The following LARP4 variants were observed in gnomAD, a reference collection of about 807,000 sequenced individuals.
The protein encoded by LARP4 is La ribonucleoprotein 4, also known as la-related protein 4.
A neutral mutation model predicts 92.9 loss-of-function variants in LARP4; 29 were observed. The ratio of observed to expected loss-of-function variants is 0.31; its 90% confidence interval spans 0.23 to 0.43. The LOEUF (loss-of-function observed/expected upper bound fraction) is 0.43, where lower values mean the gene tolerates loss of function less well. LARP4 is among the 20% of genes least tolerant of loss of function. The pLI is 1.00. For missense variants in LARP4, 732 were observed against 860.0 expected, an observed-to-expected ratio of 0.85 and a Z score of 1.86; for synonymous variants, 279 against 284.1, an observed-to-expected ratio of 0.98 and a Z score of 0.18.
chr12:50,409,764 CAA>C (rs71083566), intron 1 of LARP4, among the ~76,000 whole-genome samples: 4 of 120,590 alleles, frequency 3.3e-5, no homozygotes. Flanking sequence ...GATTCTGTCT[CAA>C]AAAAAAAAAA....
intron 1 of LARP4, among the ~76,000 whole-genome samples, chr12:50,407,058 C>T (rs892121476): frequency 1.3e-4 from 20 of 151,502 alleles, no homozygotes; most frequent in African/African-American, 4.9e-4. Flanking sequence ...TGGAATCTTG[C>T]TCTGTCGCCC....
At chr12:50,470,980 T>C (rs973886139) in intron 13 of LARP4, among the ~76,000 whole-genome samples, 1 of 152,186 alleles carries the variant, frequency 6.6e-6, no homozygotes, top group South Asian at 2.1e-4. Context: ...TTCTTTGTTT[T>C]ACAACCCTTT....
At position 50,477,746 on chromosome 12, in the gene LARP4, A is replaced by G. The variant is rs1409469473; in HGVS notation, c.*1882A>G. On this transcript the variant is annotated 3_prime_UTR_variant, in exon 16 of 16. Transcript: ENST00000398473. ...TTGAAACTATTCATTTCTACACACT[A>G]TTTTTAAAAATTGCCTACTAGGTGA... The G allele has an allele frequency of 1.3e-5, 2 of 152,514 alleles. No individual in the cohort carries two copies. The highest frequency in any genetic ancestry group is 2.9e-5 in the Non-Finnish European group (2 of 67,930). 9.4% of individuals were successfully genotyped at this position (152,514 alleles called of 1,614,324 possible).
At chr12:50,462,148 G>A (rs1329058279) in intron 11 of LARP4, among the ~76,000 whole-genome samples, 1 of 151,960 alleles carries the variant, frequency 6.6e-6, no homozygotes, top group Non-Finnish European at 1.5e-5. Flanking sequence ...TTTAGTAATA[G>A]AGAAAACTAG....
chr12:50,423,890 G>T (rs1255810993), intron 1 of LARP4, among the ~76,000 whole-genome samples: 2 of 151,784 alleles, frequency 1.3e-5, no homozygotes, highest in Non-Finnish European at 2.9e-5. Context: ...TAGTAGCTGG[G>T]ATTACAGGCG....
In LARP4 at chr12:50,428,050, C is replaced by T. The variant is rs1157647658; in HGVS notation, c.166+141C>T. 4 of 502,796 alleles carry T rather than the reference C, an allele frequency of 8.0e-6. 1 individual carries two copies. In the African/African-American group the frequency reaches 9.0e-5, roughly 11 times the overall value. 31.1% of individuals were successfully genotyped at this position (502,796 alleles called of 1,614,324 possible). On this transcript the variant is annotated intron_variant, in intron 2 of 15. Coordinates refer to ENST00000398473, the MANE Select transcript of LARP4 (RefSeq NM_052879.5). Reference sequence around the variant, plus strand: ...TTCCTCTGTCACCCAGGCTGGAGTACAGTGGCGCAGTCTTCACTCACTGCA... The same window carrying T: ...TTCCTCTGTCACCCAGGCTGGAGTATAGTGGCGCAGTCTTCACTCACTGCA...
At chr12:50,421,203 C>G (rs1336117061) in intron 1 of LARP4, 1 of 738,010 alleles carries the variant, frequency 1.4e-6, no homozygotes, top group Non-Finnish European at 1.7e-6. Flanking sequence ...CCCGCCTTGG[C>G]CTCTCAAAGT....
intron 1 of LARP4, among the ~76,000 whole-genome samples, chr12:50,408,116 A>G (rs966847233): frequency 5.9e-5 from 9 of 151,752 alleles, no homozygotes; most frequent in African/African-American, 2.2e-4. Context: ...ATAAATGCCA[A>G]ACTCCAGGGA....
intron 8 of LARP4, among the ~76,000 whole-genome samples, chr12:50,445,545 T>G (rs900958980): frequency 2.2e-4 from 34 of 152,150 alleles, no homozygotes; most frequent in Non-Finnish European, 4.6e-4. Context: ...TTCTCCTTTC[T>G]TTTTTTGGTA....
At chr12:50,459,691 G>A (rs1332331351) in intron 10 of LARP4, among the ~76,000 whole-genome samples, 1 of 151,974 alleles carries the variant, frequency 6.6e-6, no homozygotes, top group African/African-American at 2.4e-5. Context: ...AGGTGTGGTG[G>A]CACGTGCCTA....
intron 1 of LARP4, among the ~76,000 whole-genome samples, chr12:50,425,119 C>G (rs1480319582): frequency 1.3e-5 from 2 of 152,060 alleles, no homozygotes; most frequent in Non-Finnish European, 2.9e-5. Flanking sequence ...TGCACTCCAG[C>G]CTGGGCAACA....
Position 50,475,805 on chromosome 12 carries a change from CAG to C in LARP4, c.2117_2118del (p.Gln706ArgfsTer6), listed in dbSNP as rs1555176086. The C allele has an allele frequency of 6.2e-7, 1 of 1,614,110 alleles. No individual in the cohort carries two copies. Among genetic ancestry groups the C allele is most frequent in the Non-Finnish European group, 8.5e-7 (1 of 1,180,026 alleles). On this transcript the variant is annotated frameshift_variant, in exon 16 of 16. Transcript: ENST00000398473. LOFTEE classifies it high-confidence loss of function. ...RRQFSHRAIP[Q>X]GVTRRNGKEQ... ...CCAGTTTAGCCATAGGGCTATACCT[CAG>C]GGAGTGACTCGACGTAATGGCAAAG...
At chr12:50,458,378 C>A (rs571387504) in intron 10 of LARP4, among the ~76,000 whole-genome samples, 22 of 152,246 alleles carry the variant, frequency 1.4e-4, no homozygotes, top group African/African-American at 5.3e-4. Flanking sequence ...GATGCACCCG[C>A]CTTGGCCTCC....
At chr12:50,463,530 G>A (rs919307870) in intron 12 of LARP4, among the ~76,000 whole-genome samples, 8 of 151,830 alleles carry the variant, frequency 5.3e-5, no homozygotes, top group Admixed American at 1.3e-4. Flanking sequence ...CCCAGAAGGT[G>A]GAGTGCAGAT....
At chr12:50,411,394 G>T (rs1374390454) in intron 1 of LARP4, among the ~76,000 whole-genome samples, 2 of 151,678 alleles carry the variant, frequency 1.3e-5, no homozygotes, top group Non-Finnish European at 2.9e-5. Context: ...CTGTTGCCTA[G>T]GCTGGAGTGC....
intron 1 of LARP4, among the ~76,000 whole-genome samples, chr12:50,415,454 C>T (rs1369054749): frequency 1.3e-5 from 2 of 151,666 alleles, no homozygotes; most frequent in Admixed American, 6.6e-5. Flanking sequence ...AATAGCGTAC[C>T]CCATCAGGAG....
intron 8 of LARP4, among the ~76,000 whole-genome samples, chr12:50,444,125 G>A (rs1339325318): frequency 6.6e-6 from 1 of 151,994 alleles, no homozygotes; most frequent in Non-Finnish European, 1.5e-5. Context: ...TGGTTAAATT[G>A]GGGACAGCTG....
rs1953676448 is a variant in LARP4, at chr12:50,453,632, C to T, written c.977C>T (p.Ser326Phe). 6.2e-7 allele frequency: 1 copy of T among 1,612,018 alleles called. No homozygotes were observed. Residue 326 changes from serine to phenylalanine, a missense_variant, in exon 9 of 16, where the codon TCT (serine) becomes TTT (phenylalanine). This residue lies in a region of LARP4 where 264 missense variants were observed against 269.5 expected (regional missense o/e 0.98). Coordinates refer to ENST00000398473, the MANE Select transcript of LARP4 (RefSeq NM_052879.5). ...TCGGTCTATAGTATTGTGCCTCAGT[C>T]TTGGTCTCCAAATCCTACACCTTAC... is the stretch of plus-strand genomic sequence containing the variant. ...QYSVYSIVPQ[S>F]WSPNPTPYFE...
intron 10 of LARP4, among the ~76,000 whole-genome samples, chr12:50,456,503 T>C (rs541951540): frequency 2.0e-5 from 3 of 152,310 alleles, no homozygotes; most frequent in Non-Finnish European, 4.4e-5. Context: ...ATTATTATTA[T>C]TAATGTTAAC....
Sources: gnomAD v4.1 joint callset for allele counts (sites outside exome capture counted in the v4.1 genomes callset) on GRCh38, gnomAD v4.1.1 for gene constraint, gnomAD v4.1.1 regional missense constraint, MANE v1.5 for transcripts, NCBI Gene and HGNC (gene_info 2026-07-23, HGNC 2026-07-21) for gene names.